Variants in NRCAM observed in about 807,000 individuals in gnomAD.
NRCAM encodes the protein NgCAM-related cell adhesion molecule.
A neutral mutation model predicts 156.5 loss-of-function variants in NRCAM; 83 were observed. The ratio of observed to expected loss-of-function variants is 0.53; its 90% CI spans 0.44 to 0.64. The LOEUF (loss-of-function observed/expected upper bound fraction) is 0.64, where lower values mean the gene tolerates loss of function less well. Ranked by LOEUF, NRCAM falls within the 30% of genes least tolerant of loss-of-function variation. The probability of loss-of-function intolerance (pLI) is 0.00; values close to 1 mark genes in which losing one functional copy is unlikely to be tolerated. For missense variants in NRCAM, 1,417 were observed against 1,597.3 expected (o/e 0.89, Z 1.92); for synonymous variants, 538 against 563.9 (o/e 0.95, Z 0.65).
At chr7:108,275,115 T>C (rs1426803685) in intron 3 of NRCAM, among the ~76,000 whole-genome samples, 1 of 152,240 alleles carries the variant, frequency 6.6e-6, no homozygotes, top group Non-Finnish European at 1.5e-5. Context: ...ATAAGCTTTT[T>C]GATGTGCTGC....
At chr7:108,274,716 T>C (rs774649739) in intron 3 of NRCAM, among the ~76,000 whole-genome samples, 34 of 152,340 alleles carry the variant, frequency 2.2e-4, no homozygotes, top group Admixed American at 6.5e-4. Context: ...CTTTTCCTAA[T>C]TGAATACACT....
At chr7:108,433,060 C>T (rs979687284) in intron 1 of NRCAM, among the ~76,000 whole-genome samples, 4 of 152,172 alleles carry the variant, frequency 2.6e-5, no homozygotes, top group Admixed American at 2.0e-4. Context: ...CTGAAGTACC[C>T]ATAAGCAGGC....
chr7:108,213,980 C>T (rs2086274918), intron 11 of NRCAM, among the ~76,000 whole-genome samples: 1 of 152,174 alleles, frequency 6.6e-6, no homozygotes, highest in African/African-American at 2.4e-5. Context: ...TTTTGATGTG[C>T]TGCTGGATTC....
chr7:108,183,093 G>A (rs2064399213), intron 22 of NRCAM, among the ~76,000 whole-genome samples, 173 bp from the exon 23 acceptor site: 1 of 152,214 alleles, frequency 6.6e-6, no homozygotes, highest in African/African-American at 2.4e-5. Flanking sequence ...TTTGCAATGA[G>A]ATTCAAAGCT....
chr7:108,155,572 T>C (rs1251476917), intron 32 of NRCAM, among the ~76,000 whole-genome samples: 1 of 152,052 alleles, frequency 6.6e-6, no homozygotes, highest in Non-Finnish European at 1.5e-5. Flanking sequence ...CTGCTTCTGT[T>C]CCCTTGGTAC....
At chr7:108,335,371 G>T (rs1359861005) in intron 2 of NRCAM, among the ~76,000 whole-genome samples, 5 of 148,236 alleles carry the variant, frequency 3.4e-5, no homozygotes, top group African/African-American at 1.2e-4. Context: ...AGATAAGAGA[G>T]TGGAAACTTC....
intron 2 of NRCAM, among the ~76,000 whole-genome samples, chr7:108,343,027 G>A (rs985558271): frequency 4.6e-5 from 7 of 152,162 alleles, no homozygotes; most frequent in East Asian, 3.9e-4. Flanking sequence ...TCAAACCTAC[G>A]CCACTCAAGG....
chr7:108,169,695 T>A (rs1279626897), intron 28 of NRCAM, among the ~76,000 whole-genome samples: 1 of 152,184 alleles, frequency 6.6e-6, no homozygotes, highest in Non-Finnish European at 1.5e-5. Context: ...CTAATTAATT[T>A]TAGTTTTCCG....
chr7:108,228,798 C>G (rs887470084), intron 8 of NRCAM, among the ~76,000 whole-genome samples: 1 of 152,116 alleles, frequency 6.6e-6, no homozygotes, highest in African/African-American at 2.4e-5. Context: ...ATTCTTAAAG[C>G]CATAAGTCAC....
rs528922324 is a variant in NRCAM, at chr7:108,299,736, T to C, written c.-107+12929A>G. On this transcript the variant is annotated intron_variant, in intron 3 of 32. Coordinates refer to ENST00000379028, the MANE Select transcript of NRCAM (RefSeq NM_001037132.4). ...TTATTTGTCATGTACATACAGCACA[T>C]TGACCAGAAGTCTCAAGGCCAAGTG... Among the ~76,000 whole-genome samples, 64 of 152,314 alleles carry C rather than the reference T, an allele frequency of 4.2e-4. 1 individual carries two copies. In the South Asian group the frequency reaches 0.013, roughly 30 times the overall value.
intron 28 of NRCAM, 116 bp from the exon 29 acceptor site, chr7:108,168,518 G>T: frequency 9.8e-7 from 1 of 1,017,602 alleles, no homozygotes; most frequent in Non-Finnish European, 1.3e-6. Context: ...AGAATTTACT[G>T]CTAAAATTTA....
chr7:108,197,363 G>A (rs1327377421), intron 14 of NRCAM, among the ~76,000 whole-genome samples: 1 of 152,148 alleles, frequency 6.6e-6, no homozygotes, highest in African/African-American at 2.4e-5. Flanking sequence ...AAGGGCTGAA[G>A]TATAATTCCC....
chr7:108,391,879 C>G (rs1252356960), intron 2 of NRCAM, among the ~76,000 whole-genome samples: 3 of 152,104 alleles, frequency 2.0e-5, no homozygotes, highest in South Asian at 2.1e-4. Context: ...AAATTCTTTT[C>G]TTTAAGAATG....
At chr7:108,365,295 C>T (rs888928743) in intron 2 of NRCAM, among the ~76,000 whole-genome samples, 1 of 152,142 alleles carries the variant, frequency 6.6e-6, no homozygotes, top group African/African-American at 2.4e-5. Context: ...TAAACCATTA[C>T]ATTTTAATGT....
chr7:108,234,699 G>GA lies in NRCAM; in HGVS notation c.125-12dup, dbSNP rs370808042. ...TTGGAGGCTGTACCACTTAATTGTA[G>GA]AAAAAAAAAAATGTAAAAAAACAAA... On this transcript the variant is annotated splice_polypyrimidine_tract_variant and intron_variant, in intron 5 of 32. Transcript: ENST00000379028. 61,325 of 989,652 alleles carry GA rather than the reference G, an allele frequency of 0.062. 468 individuals are homozygous for GA. Among genetic ancestry groups the GA allele is most frequent in the African/African-American group, 0.17 (10,138 of 61,026 alleles). 61.3% of individuals were successfully genotyped at this position (989,652 alleles called of 1,614,324 possible). A position where few individuals can be genotyped will look rare whatever the true frequency, so the allele number is the denominator to read the frequency against.
At chr7:108,341,537 G>A (rs1407854747) in intron 2 of NRCAM, among the ~76,000 whole-genome samples, 1 of 152,156 alleles carries the variant, frequency 6.6e-6, no homozygotes, top group Non-Finnish European at 1.5e-5. Flanking sequence ...TCTAGCAAAA[G>A]CAGGGGCCAT....
At chr7:108,359,771 G>A (rs938131035) in intron 2 of NRCAM, among the ~76,000 whole-genome samples, 1 of 152,144 alleles carries the variant, frequency 6.6e-6, no homozygotes, top group Non-Finnish European at 1.5e-5. Flanking sequence ...CCAGTTTGAT[G>A]AGCTGTGACA....
intron 30 of NRCAM, among the ~76,000 whole-genome samples, chr7:108,164,444 A>T (rs2052273563): frequency 2.6e-5 from 4 of 152,156 alleles, no homozygotes; most frequent in Admixed American, 2.0e-4. Flanking sequence ...TAAAATTAGC[A>T]GAAATCAGAG....
chr7:108,326,640 G>A (rs2099071764), intron 2 of NRCAM, among the ~76,000 whole-genome samples: 1 of 152,152 alleles, frequency 6.6e-6, no homozygotes, highest in South Asian at 2.1e-4. Flanking sequence ...GGAAGACGTG[G>A]CAAGTGAATA....
Sources: allele counts gnomAD v4.1 joint callset (sites outside exome capture counted in the v4.1 genomes callset), GRCh38; gene constraint gnomAD v4.1.1; transcripts MANE v1.5; gene names NCBI Gene and HGNC (gene_info 2026-07-23, HGNC 2026-07-21).